Variants in TMCO1 observed in about 807,000 individuals in gnomAD.
TMCO1 encodes transmembrane and coiled-coil domains 1, also known as calcium load-activated calcium channel.
TMCO1 carries 29 observed loss-of-function variants against 29.3 expected under a neutral mutation model. The observed-to-expected ratio is 0.99, with a 90% confidence interval of 0.74 to 1.35. The LOEUF (loss-of-function observed/expected upper bound fraction) is 1.35, where lower values mean the gene tolerates loss of function less well. Among genes scored for constraint, TMCO1 ranks in the 40% most tolerant of loss-of-function variants. The pLI, the probability that TMCO1 is intolerant of heterozygous loss-of-function variation, is 0.00. For missense variants in TMCO1, 173 were observed against 225.5 expected (o/e 0.77, Z 1.49); for synonymous variants, 80 against 77.1 (o/e 1.04, Z -0.20).
At chr1:165,736,019 G>A (rs1199133888) in intron 6 of TMCO1, among the ~76,000 whole-genome samples, 2 of 152,166 alleles carry the variant, frequency 1.3e-5, no homozygotes, top group East Asian at 3.9e-4. Flanking sequence ...ACTTTTGGAG[G>A]TGATTAGGTT....
At chr1:165,730,858 G>A (rs1424046219) in intron 6 of TMCO1, among the ~76,000 whole-genome samples, 1 of 151,406 alleles carries the variant, frequency 6.6e-6, no homozygotes, top group Non-Finnish European at 1.5e-5. Flanking sequence ...CCTCCCAGGT[G>A]CTGGCATTAT....
downstream of TMCO1, chr1:165,724,967 G>C (rs901022613): frequency 7.9e-5 from 34 of 432,914 alleles, no homozygotes; most frequent in African/African-American, 7.4e-4. Flanking sequence ...GGGTTACCTA[G>C]GTGTTCTTTA....
intron 5 of TMCO1, among the ~76,000 whole-genome samples, chr1:165,747,368 C>T (rs572707441): frequency 1.3e-5 from 2 of 149,744 alleles, no homozygotes; most frequent in African/African-American, 4.9e-5. Context: ...TGGAAAGAAA[C>T]TACAGAAAGT....
rs774391939 is a variant in TMCO1, at chr1:165,768,778, C to G, written c.-27G>C. On this transcript the variant is annotated 5_prime_UTR_variant, in exon 1 of 7. Coordinates refer to ENST00000367881, the MANE Select transcript of TMCO1 (RefSeq NM_019026.6). ...TCGCACCTTCGTCTCTGCACTCTCA[C>G]CCGCCAGGGGGAAAGCGCTCTACAG... The G allele has an allele frequency of 1.2e-6, 2 of 1,614,062 alleles. No homozygotes were observed. The highest frequency in any genetic ancestry group is 1.7e-6 in the Non-Finnish European group (2 of 1,180,004).
At chr1:165,765,424 C>G (rs939818662) in intron 2 of TMCO1, among the ~76,000 whole-genome samples, 2 of 152,230 alleles carry the variant, frequency 1.3e-5, no homozygotes, top group South Asian at 4.1e-4. Context: ...GCTGGGATTA[C>G]AGGCATGTGC....
At chr1:165,766,860 T>C (rs1445324492) in intron 2 of TMCO1, among the ~76,000 whole-genome samples, 1 of 152,142 alleles carries the variant, frequency 6.6e-6, no homozygotes, top group African/African-American at 2.4e-5. Flanking sequence ...TAATAAAGCA[T>C]ATCAAGGTTT....
rs182192373 is a variant in TMCO1, at chr1:165,749,949, C to T, written c.323+2153G>A. ...ATATGAAAAGATGTTAAATCTCACA[C>T]AAATTATCAAAAAAATGAAAAAATT... On this transcript the variant is annotated intron_variant, in intron 5 of 6. Coordinates refer to ENST00000367881, the MANE Select transcript of TMCO1 (RefSeq NM_019026.6). 2.0e-4 allele frequency among the ~76,000 whole-genome samples: 31 copies of T among 152,026 alleles called. No individual in the cohort carries two copies. The East Asian group carries it at 5.6e-3, about 27-fold the overall frequency.
intron 6 of TMCO1, among the ~76,000 whole-genome samples, chr1:165,730,961 G>A (rs1015735451): frequency 2.2e-4 from 33 of 151,474 alleles, no homozygotes; most frequent in Non-Finnish European, 4.6e-4. Context: ...GTGCAGTGGT[G>A]CGATCTTGGC....
intron 6 of TMCO1, among the ~76,000 whole-genome samples, chr1:165,732,611 G>C (rs1354566131): frequency 6.6e-6 from 1 of 151,790 alleles, no homozygotes. Flanking sequence ...TATGGATTTG[G>C]GGGTAATAAT....
downstream of TMCO1, chr1:165,725,068 T>C (rs556362416): frequency 3.3e-3 from 1,320 of 396,802 alleles, 7 homozygotes; most frequent in Non-Finnish European, 5.3e-3. Flanking sequence ...ATATACATAA[T>C]AGTATATTTT....
At chr1:165,741,516 C>T (rs757990929) in intron 6 of TMCO1, among the ~76,000 whole-genome samples, 46 of 152,166 alleles carry the variant, frequency 3.0e-4, no homozygotes, top group Non-Finnish European at 6.0e-4. Flanking sequence ...AAAAGTACAT[C>T]TGAGTGAGTG....
intron 6 of TMCO1, 64 bp downstream of exon 6, chr1:165,743,103 A>G: frequency 6.3e-7 from 1 of 1,579,362 alleles, no homozygotes; most frequent in Non-Finnish European, 8.7e-7. Flanking sequence ...TTATAAAAGT[A>G]AAAGCTAATT....
intron 5 of TMCO1, among the ~76,000 whole-genome samples, chr1:165,749,695 G>A (rs1410523408): frequency 6.6e-6 from 1 of 151,648 alleles, no homozygotes; most frequent in Non-Finnish European, 1.5e-5. Context: ...GAAAAAAACA[G>A]GAAAAAAATT....
chr1:165,760,523 G>GC (rs35765348), intron 2 of TMCO1, among the ~76,000 whole-genome samples: 3 of 152,008 alleles, frequency 2.0e-5, no homozygotes, highest in African/African-American at 7.3e-5. Context: ...GAAATAGTGG[G>GC]CCGGGTGCAG....
intron 6 of TMCO1, among the ~76,000 whole-genome samples, chr1:165,736,060 T>A (rs1329080064): frequency 1.3e-5 from 2 of 152,118 alleles, no homozygotes; most frequent in Non-Finnish European, 2.9e-5. Flanking sequence ...AATGGGATTG[T>A]CCTTTCAAAA....
rs372772253 is a variant in TMCO1, at chr1:165,754,286, T to A, written c.209-12A>T. 1.2e-6 allele frequency: 2 copies of A among 1,604,740 alleles called. No individual in the cohort carries two copies. Among genetic ancestry groups the A allele is most frequent in the Non-Finnish European group, 8.5e-7 (1 of 1,172,056 alleles). On this transcript the variant is annotated splice_polypyrimidine_tract_variant and intron_variant, in intron 3 of 6. Transcript: ENST00000367881. ...CTCTTCTTGTCTCTCTGCAAAGAAT[T>A]AATGAGATGGTTAATACATACAATG... is the stretch of plus-strand genomic sequence containing the variant.
intron 5 of TMCO1, among the ~76,000 whole-genome samples, chr1:165,746,453 T>TCTCACACACACACA (rs1553250047): frequency 9.1e-5 from 12 of 132,418 alleles, no homozygotes; most frequent in Middle Eastern, 3.5e-3. Context: ...AAGACCTATA[T>TCTCACACACACACA]CACACACACA....
chr1:165,758,439 C>T (rs187559879), intron 3 of TMCO1, among the ~76,000 whole-genome samples: 7 of 151,860 alleles, frequency 4.6e-5, no homozygotes, highest in Non-Finnish European at 1.0e-4. Flanking sequence ...GCCTATAGTC[C>T]CACCTACTCG....
intron 2 of TMCO1, among the ~76,000 whole-genome samples, chr1:165,763,203 G>T (rs191147727): frequency 1.3e-5 from 2 of 152,034 alleles, no homozygotes; most frequent in Admixed American, 6.6e-5. Flanking sequence ...TTCATACTAC[G>T]TTCTGAATAC....
Sources: allele counts gnomAD v4.1 joint callset (sites outside exome capture counted in the v4.1 genomes callset), GRCh38; gene constraint gnomAD v4.1.1; transcripts MANE v1.5; gene names NCBI Gene and HGNC (gene_info 2026-07-23, HGNC 2026-07-21).